Variants in ERGIC2 observed in about 807,000 individuals in gnomAD.
ERGIC2 encodes ERGIC and golgi 2.
A neutral mutation model predicts 52.5 loss-of-function variants in ERGIC2; 31 were observed. The observed-to-expected ratio is 0.59, with a 90% CI of 0.44 to 0.80. The LOEUF (loss-of-function observed/expected upper bound fraction) is 0.80. Ranked by LOEUF, ERGIC2 falls within the 30% of genes least tolerant of loss-of-function variation. ERGIC2 has a pLI of 0.00. For synonymous variants in ERGIC2, 129 were observed against 140.6 expected (o/e 0.92, Z 0.58); for missense variants, 395 against 455.2 (o/e 0.87, Z 1.20).
intron 2 of ERGIC2, among the ~76,000 whole-genome samples, chr12:29,370,796 G>T (rs2136878436): frequency 6.6e-6 from 1 of 151,956 alleles, no homozygotes; most frequent in East Asian, 1.9e-4. Flanking sequence ...TCCTCTACTT[G>T]GCAATCTCCT....
chr12:29,364,457 C>T (rs1940330802), intron 5 of ERGIC2, among the ~76,000 whole-genome samples: 1 of 152,058 alleles, frequency 6.6e-6, no homozygotes, highest in South Asian at 2.1e-4. Context: ...AAAATTAACT[C>T]AAGATGGGTA....
At chr12:29,374,765 T>C (rs1940491978) in intron 1 of ERGIC2, among the ~76,000 whole-genome samples, 1 of 152,196 alleles carries the variant, frequency 6.6e-6, no homozygotes, top group South Asian at 2.1e-4. Flanking sequence ...AGAAATTCCT[T>C]ATGTCCAAGT....
chr12:29,368,532 C>T (rs1395263702), intron 3 of ERGIC2, among the ~76,000 whole-genome samples: 3 of 151,796 alleles, frequency 2.0e-5, no homozygotes, highest in Admixed American at 2.0e-4. Context: ...ATAATGGCAA[C>T]TCTATAATCA....
Position 29,340,665 on chromosome 12 carries a change from A to G in ERGIC2, c.*491T>C, listed in dbSNP as rs77623412. On this transcript the variant is annotated 3_prime_UTR_variant, in exon 14 of 14. Coordinates refer to ENST00000360150, the MANE Select transcript of ERGIC2 (RefSeq NM_016570.3). The stretch of plus-strand genomic sequence containing the variant: ...AGGGACTAGCCCGTTTTTTTTTTTT[A>G]TTAACAATGTGACCTGATCACAATT... 1.7e-5 allele frequency: 4 copies of G among 235,556 alleles called. No homozygotes were observed. The South Asian group carries it at 1.9e-4, about 11-fold the overall frequency. 14.6% of individuals were successfully genotyped at this position (235,556 alleles called of 1,614,324 possible).
chr12:29,344,699 A>G (rs1190802603), intron 11 of ERGIC2, among the ~76,000 whole-genome samples: 1 of 152,168 alleles, frequency 6.6e-6, no homozygotes, highest in South Asian at 2.1e-4. Context: ...TATTGAGGGC[A>G]TGGTCATCAT....
At chr12:29,371,190 G>A (rs534934058) in intron 2 of ERGIC2, among the ~76,000 whole-genome samples, 5 of 152,104 alleles carry the variant, frequency 3.3e-5, no homozygotes, top group Non-Finnish European at 7.4e-5. Flanking sequence ...GTAAATACTA[G>A]TATGATCCCT....
intron 8 of ERGIC2, among the ~76,000 whole-genome samples, chr12:29,350,624 CTTAT>C (rs1328403593): frequency 6.6e-6 from 1 of 151,962 alleles, no homozygotes; most frequent in Non-Finnish European, 1.5e-5. Context: ...TCTCCTAATA[CTTAT>C]TTACTTATAA....
intron 10 of ERGIC2, among the ~76,000 whole-genome samples, chr12:29,346,454 C>T (rs529520814): frequency 2.7e-4 from 41 of 151,996 alleles, no homozygotes; most frequent in Non-Finnish European, 4.0e-4. Flanking sequence ...TCTCCCAAAG[C>T]GCTGGGATTA....
At chr12:29,366,697 G>C (rs1940366933) in intron 5 of ERGIC2, among the ~76,000 whole-genome samples, 180 bp downstream of exon 5, 2 of 151,568 alleles carry the variant, frequency 1.3e-5, no homozygotes, top group Non-Finnish European at 1.5e-5. Flanking sequence ...TCAAGATTTT[G>C]GTATATAATA....
chr12:29,379,124 A>C (rs1467688908), intron 1 of ERGIC2, among the ~76,000 whole-genome samples: 1 of 152,210 alleles, frequency 6.6e-6, no homozygotes, highest in Non-Finnish European at 1.5e-5. Context: ...AAAAGTGCCT[A>C]GTAGCAATGT....
At position 29,339,140 on chromosome 12, in the gene ERGIC2, A is replaced by T. The variant is rs972815116; in HGVS notation, c.*2016T>A. The T allele has an allele frequency of 6.6e-6, 1 of 152,228 alleles. No individual in the cohort carries two copies. The highest frequency in any genetic ancestry group is 1.5e-5 in the Non-Finnish European group (1 of 68,034). 9.4% of individuals were successfully genotyped at this position (152,228 alleles called of 1,614,324 possible). On this transcript the variant is annotated 3_prime_UTR_variant, in exon 14 of 14. Transcript: ENST00000360150. ...TCAGATGGAAGCCTTTAACTTTTAA[A>T]ATGGAAATCAAAGGCAAAGCAGAAT... is the stretch of plus-strand genomic sequence containing the variant.
intron 11 of ERGIC2, among the ~76,000 whole-genome samples, chr12:29,343,600 A>C (rs1432140560): frequency 6.6e-6 from 1 of 152,194 alleles, no homozygotes; most frequent in African/African-American, 2.4e-5. Context: ...TCATGCTATA[A>C]CTAAACTGCA....
intron 4 of ERGIC2, among the ~76,000 whole-genome samples, chr12:29,367,862 G>A (rs967677088): frequency 1.8e-4 from 27 of 151,678 alleles, no homozygotes; most frequent in African/African-American, 6.0e-4. Flanking sequence ...ATTTTTAAAC[G>A]CAAGAGTAAA....
At chr12:29,353,484 C>T (rs1940160841) in intron 8 of ERGIC2, among the ~76,000 whole-genome samples, 1 of 152,122 alleles carries the variant, frequency 6.6e-6, no homozygotes, top group South Asian at 2.1e-4. Flanking sequence ...AGAATATGTA[C>T]ATTTTATTTG....
rs573147570 is a variant in ERGIC2 at position 29,374,092 on chromosome 12, G to A, written c.-37-2422C>T. Reference sequence around the variant, plus strand: ...GTCCAACTCCAACAATACATCTCTCGCAGCACACCTACAGCCAACTTAAAA... The same window carrying A: ...GTCCAACTCCAACAATACATCTCTCACAGCACACCTACAGCCAACTTAAAA... On this transcript the variant is annotated intron_variant, in intron 1 of 13. Transcript: ENST00000360150. Among the ~76,000 whole-genome samples the A allele has an allele frequency of 9.9e-5, 15 of 152,020 alleles. No individual in the cohort carries two copies. In the South Asian group the frequency reaches 1.0e-3, roughly 11 times the overall value.
chr12:29,353,528 A>G (rs1940161343), intron 8 of ERGIC2, among the ~76,000 whole-genome samples: 1 of 151,990 alleles, frequency 6.6e-6, no homozygotes, highest in Non-Finnish European at 1.5e-5. Context: ...AATCTGAAAC[A>G]CTCTTAAGCA....
At chr12:29,363,585 T>G (rs1940315070) in intron 5 of ERGIC2, among the ~76,000 whole-genome samples, 1 of 152,006 alleles carries the variant, frequency 6.6e-6, no homozygotes, top group Admixed American at 6.6e-5. Flanking sequence ...AATAAAATTT[T>G]CCTGCTCCAT....
Position 29,341,055 on chromosome 12 carries a change from AT to A in ERGIC2, c.*100del, listed in dbSNP as rs2136845542. On this transcript the variant is annotated 3_prime_UTR_variant, in exon 14 of 14. Coordinates refer to ENST00000360150, the MANE Select transcript of ERGIC2 (RefSeq NM_016570.3). ...TTTAAAATAAGTATGTTTTCTGCTT[AT>A]TTGTGTTTTCTTTTCTTTGAATATA... 1.2e-6 allele frequency: 1 copy of A among 836,574 alleles called. No homozygotes were observed. The highest frequency in any genetic ancestry group is 1.7e-5 in the African/African-American group (1 of 57,148). 51.8% of individuals were successfully genotyped at this position (836,574 alleles called of 1,614,324 possible).
At chr12:29,355,337 T>C (rs1219076939) in intron 8 of ERGIC2, among the ~76,000 whole-genome samples, 1 of 152,198 alleles carries the variant, frequency 6.6e-6, no homozygotes, top group Non-Finnish European at 1.5e-5. Flanking sequence ...CAAGTCATAT[T>C]TATACTGTAT....
Sources: allele counts gnomAD v4.1 joint callset (sites outside exome capture counted in the v4.1 genomes callset), GRCh38; gene constraint gnomAD v4.1.1; transcripts MANE v1.5; gene names NCBI Gene and HGNC (gene_info 2026-07-23, HGNC 2026-07-21).